CA5A: variants seen among roughly 807,000 people sequenced by gnomAD.
CA5A encodes the protein carbonic anhydrase 5A, mitochondrial.
A neutral mutation model predicts 37.1 loss-of-function variants in CA5A; 28 were observed. That is an observed-to-expected ratio of 0.75 (90% confidence interval 0.56 to 1.03). The LOEUF is 1.03. Among genes scored for constraint, CA5A ranks in the 50% least tolerant of loss-of-function variants. The pLI is 0.00. For missense variants in CA5A, 444 were observed against 399.9 expected, an observed-to-expected ratio of 1.11 and a Z score of -0.94; for synonymous variants, 171 against 158.4, an observed-to-expected ratio of 1.08 and a Z score of -0.60.
At chr16:87,885,610 C>G (rs1024576060), downstream of CA5A, 1 of 152,874 alleles carries the variant, frequency 6.5e-6, no homozygotes. Context: ...AAGTCTCCAC[C>G]CAGCCTGTGG....
At chr16:87,936,045 A>G (rs11864398) in intron 1 of CA5A, among the ~76,000 whole-genome samples, 46,219 of 150,570 alleles carry the variant, frequency 0.31, 9,888 homozygotes, top group African/African-American at 0.61. Context: ...GGTGGCATGC[A>G]CCTATAGTCC....
chr16:87,917,952 CA>C (rs966057665), intron 2 of CA5A, among the ~76,000 whole-genome samples: 41 of 152,346 alleles, frequency 2.7e-4, no homozygotes, highest in African/African-American at 8.7e-4. Context: ...CCTCTCAGTC[CA>C]GGGGTCGTCC....
intron 2 of CA5A, among the ~76,000 whole-genome samples, chr16:87,908,660 T>C (rs1253971078): frequency 6.6e-6 from 1 of 152,176 alleles, no homozygotes; most frequent in Admixed American, 6.5e-5. Context: ...CGGAAGGGAC[T>C]TGTGAGCCCT....
intron 5 of CA5A, among the ~76,000 whole-genome samples, chr16:87,897,417 G>A (rs1364477458): frequency 6.6e-6 from 1 of 152,148 alleles, no homozygotes; most frequent in African/African-American, 2.4e-5. Flanking sequence ...GTCTGCCCGG[G>A]GTCACCAGGA....
chr16:87,924,125 C>G (rs1217463739), intron 2 of CA5A: 1 of 985,296 alleles, frequency 1.0e-6, no homozygotes, highest in African/African-American at 1.7e-5. Context: ...TTTGTGCCTC[C>G]CAAGATCTGG....
At chr16:87,898,898 C>T (rs1196285957) in intron 5 of CA5A, among the ~76,000 whole-genome samples, 20 of 152,084 alleles carry the variant, frequency 1.3e-4, no homozygotes, top group Non-Finnish European at 1.5e-5. Context: ...CGATACCCAG[C>T]TAATTTTTGT....
intron 5 of CA5A, chr16:87,893,539 G>A (rs2055755815): frequency 1.6e-5 from 9 of 580,260 alleles, no homozygotes; most frequent in Non-Finnish European, 2.3e-5. Context: ...CAGCCGTCCA[G>A]GGACTGGCAG....
intron 2 of CA5A, chr16:87,924,268 G>T (rs2056271174): frequency 9.1e-6 from 9 of 985,324 alleles, no homozygotes; most frequent in Non-Finnish European, 8.4e-6. Flanking sequence ...ATCCGCGGGG[G>T]TTGCAGTGGA....
intron 2 of CA5A, among the ~76,000 whole-genome samples, chr16:87,910,744 ATTTTTG>A (rs377533192): frequency 0.015 from 2,348 of 151,614 alleles, 59 homozygotes; most frequent in African/African-American, 0.053. Flanking sequence ...CACCCCACTA[ATTTTTG>A]TTTTTGTTTT....
In CA5A at chr16:87,920,163, C is replaced by T. The variant is rs575359859; in HGVS notation, c.340+6585G>A. On this transcript the variant is annotated intron_variant, in intron 2 of 6. Transcript: ENST00000649794. ...GTGGAGTTAAACAGGCCATAGCCAA[C>T]TCACCCCTCACCCGAGGTCTGCACA... Among the ~76,000 whole-genome samples the T allele has an allele frequency of 5.9e-5, 9 of 152,306 alleles. No homozygotes were observed. In the South Asian group the frequency reaches 1.5e-3, roughly 25 times the overall value.
intron 5 of CA5A, among the ~76,000 whole-genome samples, chr16:87,895,472 G>A (rs1199077442): frequency 1.3e-5 from 2 of 152,186 alleles, no homozygotes; most frequent in Admixed American, 6.5e-5. Flanking sequence ...TTAAACCCGG[G>A]AGGCAGAGGT....
downstream of CA5A, chr16:87,886,703 CGATCAATCAATAGATA>C (rs1313015918): frequency 1.3e-5 from 2 of 151,918 alleles, no homozygotes; most frequent in Admixed American, 6.6e-5. Context: ...ATGAATTGAT[CGATCAATCAATAGATA>C]GATCAATCAA....
In CA5A at chr16:87,936,476, G is replaced by C; in HGVS notation, c.-26C>G. On this transcript the variant is annotated 5_prime_UTR_variant, in exon 1 of 7. Coordinates refer to ENST00000649794, the MANE Select transcript of CA5A (RefSeq NM_001739.2). Reference sequence around the variant, plus strand: ...CTTGGGTCTGTTCCCACTGACTCCAGTCTGAAGAGGGTGATGTTCCCTGCT... The same window carrying C: ...CTTGGGTCTGTTCCCACTGACTCCACTCTGAAGAGGGTGATGTTCCCTGCT... 1 of 1,612,688 alleles carries C rather than the reference G, an allele frequency of 6.2e-7. No individual in the cohort carries two copies. The highest frequency in any genetic ancestry group is 8.5e-7 in the Non-Finnish European group (1 of 1,179,654).
intron 2 of CA5A, among the ~76,000 whole-genome samples, chr16:87,910,866 G>C (rs541788192): frequency 1.3e-5 from 2 of 151,994 alleles, no homozygotes; most frequent in Non-Finnish European, 2.9e-5. Context: ...TCTCTCACCT[G>C]TGCTTCCCGA....
At chr16:87,904,474 C>CT (rs2055928236) in intron 3 of CA5A, among the ~76,000 whole-genome samples, 1 of 152,246 alleles carries the variant, frequency 6.6e-6, no homozygotes, top group South Asian at 2.1e-4. Flanking sequence ...AAGCACACAG[C>CT]TGAGTGAAGT....
At chr16:87,892,012 T>C (rs760633729) in intron 5 of CA5A, 58 bp from the exon 6 acceptor site, 3 of 1,447,060 alleles carry the variant, frequency 2.1e-6, no homozygotes, top group African/African-American at 1.5e-5. Flanking sequence ...GGAGCTTCCA[T>C]CTTGTCTCAG....
At chr16:87,900,138 G>GC (rs1209756551) in intron 5 of CA5A, among the ~76,000 whole-genome samples, 4 of 152,056 alleles carry the variant, frequency 2.6e-5, no homozygotes, top group Admixed American at 6.6e-5. Flanking sequence ...GAGGAAAACA[G>GC]CCCTTGGGTA....
At chr16:87,924,394 T>TGTAG (rs2056273655) in intron 2 of CA5A, 1 of 826,426 alleles carries the variant, frequency 1.2e-6, no homozygotes, top group African/African-American at 1.8e-5. Context: ...CGATGCACTG[T>TGTAG]GTAGGGCCTG....
intron 2 of CA5A, among the ~76,000 whole-genome samples, chr16:87,916,473 T>G (rs1018034242): frequency 6.6e-6 from 1 of 152,184 alleles, no homozygotes; most frequent in African/African-American, 2.4e-5. Flanking sequence ...TTGGGTCCAG[T>G]GGGGTCTTTT....
Sources: allele counts gnomAD v4.1 joint callset (sites outside exome capture counted in the v4.1 genomes callset), GRCh38; gene constraint gnomAD v4.1.1; transcripts MANE v1.5; gene names NCBI Gene and HGNC (gene_info 2026-07-23, HGNC 2026-07-21).